The following ITGA1 variants were observed in gnomAD, a reference collection of about 807,000 sequenced individuals.
ITGA1 encodes the protein integrin alpha-1.
In ITGA1, 85 loss-of-function variants were observed where a neutral mutation model predicts 145.9. The ratio of observed to expected loss-of-function variants is 0.58; its 90% CI spans 0.49 to 0.70. The LOEUF is 0.70. Among genes scored for constraint, ITGA1 ranks in the 30% least tolerant of loss-of-function variants. The pLI, the probability that ITGA1 is intolerant of heterozygous loss-of-function variation, is 0.00. For synonymous variants in ITGA1, 520 were observed against 495.3 expected (o/e 1.05, Z -0.66); for missense variants, 1,351 against 1,418.7 (o/e 0.95, Z 0.77).
chr5:52,924,246 A>G (rs907967941), intron 18 of ITGA1, among the ~76,000 whole-genome samples: 5 of 152,180 alleles, frequency 3.3e-5, no homozygotes, highest in Non-Finnish European at 5.9e-5. Context: ...TAGTAATTAG[A>G]GCATATGCTA....
intron 3 of ITGA1, among the ~76,000 whole-genome samples, chr5:52,862,368 A>G (rs978271252): frequency 9.2e-5 from 14 of 152,172 alleles, no homozygotes; most frequent in Admixed American, 9.2e-4. Context: ...ATCATTTATA[A>G]TCTATAATCA....
intron 24 of ITGA1, among the ~76,000 whole-genome samples, chr5:52,938,950 T>C (rs537229107): frequency 4.1e-4 from 63 of 152,298 alleles, no homozygotes; most frequent in African/African-American, 1.5e-3. Context: ...TCACCCAGGC[T>C]GGAGTGCAGT....
At chr5:52,944,916 T>G in intron 26 of ITGA1, 27 bp from the exon 27 acceptor site, 1 of 1,478,226 alleles carries the variant, frequency 6.8e-7, no homozygotes, top group Non-Finnish European at 9.4e-7. Context: ...CATCATATAT[T>G]AAGAACAAAT....
intron 1 of ITGA1, among the ~76,000 whole-genome samples, chr5:52,818,203 A>G (rs769074230): frequency 9.9e-5 from 15 of 152,178 alleles, no homozygotes; most frequent in African/African-American, 1.7e-4. Context: ...TAGTACATAC[A>G]TCTATTCTTT....
intron 6 of ITGA1, among the ~76,000 whole-genome samples, chr5:52,872,420 G>C (rs560811771): frequency 3.3e-5 from 5 of 151,884 alleles, no homozygotes; most frequent in Admixed American, 2.0e-4. Flanking sequence ...AGTGAGTTCA[G>C]AACATTTCCC....
At position 52,852,781 on chromosome 5, in the gene ITGA1, G is replaced by A. The variant is rs1016612026; in HGVS notation, c.182+3296G>A. 2.0e-5 allele frequency among the ~76,000 whole-genome samples: 3 copies of A among 152,084 alleles called. No individual in the cohort carries two copies. The East Asian group carries it at 5.8e-4, about 29-fold the overall frequency. ...CTGGGCACTACCCCACATCTAGCAT[G>A]AGGCCTTATACATAATATGCACTCA... On this transcript the variant is annotated intron_variant, in intron 2 of 28. Coordinates refer to ENST00000282588, the MANE Select transcript of ITGA1 (RefSeq NM_181501.2).
chr5:52,864,864 A>G lies in ITGA1; in HGVS notation c.384+13A>G, dbSNP rs1749658906. On this transcript the variant is annotated intron_variant, in intron 4 of 28. Transcript: ENST00000282588. ...TGGAGGATTTCTGGTAAGAATGGAG[A>G]GAATGATATTTATTGACAACAGATA... 1.9e-6 allele frequency: 3 copies of G among 1,584,778 alleles called. No individual in the cohort carries two copies. Among genetic ancestry groups the G allele is most frequent in the Non-Finnish European group, 2.6e-6 (3 of 1,154,320 alleles).
chr5:52,872,552 T>TC (rs1273425732), intron 6 of ITGA1, among the ~76,000 whole-genome samples: 1 of 142,134 alleles, frequency 7.0e-6, no homozygotes, highest in Admixed American at 7.4e-5. Context: ...GCATCCTGCT[T>TC]CCCCTTACAC....
At chr5:52,926,384 C>T (rs933474492) in intron 19 of ITGA1, among the ~76,000 whole-genome samples, 9 of 152,018 alleles carry the variant, frequency 5.9e-5, no homozygotes, top group Admixed American at 1.3e-4. Flanking sequence ...GGGCAAATCA[C>T]GGGGTCAGGA....
At chr5:52,846,817 C>A (rs544334514) in intron 1 of ITGA1, among the ~76,000 whole-genome samples, 8 of 152,158 alleles carry the variant, frequency 5.3e-5, no homozygotes, top group Non-Finnish European at 1.2e-4. Flanking sequence ...TACACATTTT[C>A]TTTTCACTGC....
chr5:52,929,763 G>T (rs974421222), intron 21 of ITGA1, 62 bp downstream of exon 21: 1 of 895,280 alleles, frequency 1.1e-6, no homozygotes, highest in Non-Finnish European at 1.7e-6. Flanking sequence ...TGTGTATGTC[G>T]AATATTTTGC....
intron 13 of ITGA1, 61 bp from the exon 14 acceptor site, chr5:52,910,101 A>C: frequency 6.7e-7 from 1 of 1,487,310 alleles, no homozygotes; most frequent in Non-Finnish European, 9.2e-7. Flanking sequence ...ATACTTTAAA[A>C]ATTCTACTCT....
intron 20 of ITGA1, among the ~76,000 whole-genome samples, chr5:52,927,884 T>C (rs1750835608): frequency 6.6e-6 from 1 of 152,166 alleles, no homozygotes; most frequent in South Asian, 2.1e-4. Context: ...TAGTAAAAGA[T>C]GAGGCCTTTA....
At chr5:52,894,706 A>G (rs544876228) in intron 9 of ITGA1, among the ~76,000 whole-genome samples, 1 of 152,268 alleles carries the variant, frequency 6.6e-6, no homozygotes, top group East Asian at 1.9e-4. Context: ...TTGTGAGGAC[A>G]CACTGAAAGA....
chr5:52,911,274 G>C (rs939074503), intron 14 of ITGA1, among the ~76,000 whole-genome samples: 1 of 133,916 alleles, frequency 7.5e-6, no homozygotes, highest in Non-Finnish European at 1.5e-5. Flanking sequence ...AGTATATGTA[G>C]TGTATATATA....
At chr5:52,914,518 C>T (rs1750612354) in intron 14 of ITGA1, among the ~76,000 whole-genome samples, 2 of 151,906 alleles carry the variant, frequency 1.3e-5, no homozygotes, top group African/African-American at 4.8e-5. Flanking sequence ...CACCTGTAAT[C>T]CCAGCTATTC....
At chr5:52,870,109 A>C (rs939085111) in intron 6 of ITGA1, among the ~76,000 whole-genome samples, 4 of 152,230 alleles carry the variant, frequency 2.6e-5, no homozygotes, top group African/African-American at 9.6e-5. Flanking sequence ...GTCTTACAGT[A>C]ATTCTTTCCA....
intron 1 of ITGA1, among the ~76,000 whole-genome samples, chr5:52,847,118 T>G (rs1414642254): frequency 6.6e-6 from 1 of 152,180 alleles, no homozygotes; most frequent in Non-Finnish European, 1.5e-5. Context: ...ATATAGTATT[T>G]AATAATTATC....
chr5:52,871,541 T>C (rs1181574130), intron 6 of ITGA1, among the ~76,000 whole-genome samples: 1 of 151,708 alleles, frequency 6.6e-6, no homozygotes, highest in Non-Finnish European at 1.5e-5. Context: ...CATTTAGTAA[T>C]TGCAAGCAAT....
Sources: gnomAD v4.1 joint callset for allele counts (sites outside exome capture counted in the v4.1 genomes callset) on GRCh38, gnomAD v4.1.1 for gene constraint, MANE v1.5 for transcripts, NCBI Gene and HGNC (gene_info 2026-07-23, HGNC 2026-07-21) for gene names.